NELL1: variants seen among roughly 807,000 people sequenced by gnomAD.
NELL1 encodes protein kinase C-binding protein NELL1.
NELL1 carries 76 observed loss-of-function variants against 107.4 expected under a neutral mutation model. That is an observed-to-expected ratio of 0.71 (90% CI 0.59 to 0.86). The LOEUF (loss-of-function observed/expected upper bound fraction) is 0.86. Among genes scored for constraint, NELL1 ranks in the 40% least tolerant of loss-of-function variants. The pLI is 0.00. For synonymous variants in NELL1, 353 were observed against 341.2 expected, an observed-to-expected ratio of 1.03 and a Z score of -0.38; for missense variants, 1,024 against 1,005.5, an observed-to-expected ratio of 1.02 and a Z score of -0.25.
intron 2 of NELL1, among the ~76,000 whole-genome samples, chr11:20,680,463 T>G (rs1189334643): frequency 6.6e-6 from 1 of 152,096 alleles, no homozygotes; most frequent in African/African-American, 2.4e-5. Flanking sequence ...GTGGGTATAA[T>G]CCATTTTGGG....
At chr11:21,323,691 C>T (rs762484083) in intron 14 of NELL1, among the ~76,000 whole-genome samples, 6 of 152,036 alleles carry the variant, frequency 3.9e-5, no homozygotes, top group Non-Finnish European at 5.9e-5. Flanking sequence ...ACTAGCTTCC[C>T]GTCTTTGTCA....
At chr11:21,553,986 C>T (rs1856649131) in intron 16 of NELL1, among the ~76,000 whole-genome samples, 1 of 151,788 alleles carries the variant, frequency 6.6e-6, no homozygotes, top group South Asian at 2.1e-4. Context: ...ATACAAACCA[C>T]CCTCCTACTC....
intron 4 of NELL1, among the ~76,000 whole-genome samples, chr11:20,881,384 G>A (rs1180010688): frequency 1.3e-5 from 2 of 152,240 alleles, no homozygotes; most frequent in East Asian, 3.9e-4. Context: ...TTCATTGCTT[G>A]TCTAGAGAGG....
chr11:21,503,857 T>C (rs1049703134), intron 15 of NELL1, among the ~76,000 whole-genome samples: 10 of 148,072 alleles, frequency 6.8e-5, no homozygotes, highest in Admixed American at 2.7e-4. Context: ...ACACTTGGCT[T>C]TTTTTTTTTA....
chr11:20,929,566 C>T (rs889080078), intron 9 of NELL1, among the ~76,000 whole-genome samples: 6 of 151,992 alleles, frequency 3.9e-5, no homozygotes, highest in Non-Finnish European at 8.8e-5. Context: ...GCAATATAGG[C>T]AGCTCAAGTG....
At chr11:21,277,831 T>C (rs1288730811) in intron 14 of NELL1, among the ~76,000 whole-genome samples, 1 of 152,036 alleles carries the variant, frequency 6.6e-6, no homozygotes, top group East Asian at 1.9e-4. Context: ...TTCTCAGTCA[T>C]AGGTGGGAAT....
chr11:21,013,255 C>A (rs1852487892), intron 12 of NELL1, among the ~76,000 whole-genome samples: 1 of 152,090 alleles, frequency 6.6e-6, no homozygotes, highest in African/African-American at 2.4e-5. Context: ...ACCTCATAAG[C>A]AGAACTTTGG....
intron 12 of NELL1, among the ~76,000 whole-genome samples, chr11:21,052,304 C>T (rs1208023437): frequency 6.6e-6 from 1 of 151,992 alleles, no homozygotes; most frequent in Non-Finnish European, 1.5e-5. Flanking sequence ...GTTGGGACCA[C>T]AGAAGAGTCT....
intron 15 of NELL1, among the ~76,000 whole-genome samples, chr11:21,481,219 G>A (rs1440644132): frequency 6.6e-6 from 1 of 152,136 alleles, no homozygotes; most frequent in Non-Finnish European, 1.5e-5. Context: ...AGTCTCTCCC[G>A]ATTCAAAGAG....
Position 20,686,245 on chromosome 11 carries a change from A to G in NELL1, c.184+8185A>G, listed in dbSNP as rs138167988. ...TACATTTAAATAGAAACCTCACTTAACTGGGAACATTTCTACAGTACCAAT... is the reference window on the plus strand; with the variant it reads ...TACATTTAAATAGAAACCTCACTTAGCTGGGAACATTTCTACAGTACCAAT... On this transcript the variant is annotated intron_variant, in intron 2 of 19. Coordinates refer to ENST00000357134, the MANE Select transcript of NELL1 (RefSeq NM_006157.5). Among the ~76,000 whole-genome samples, 1,082 of 152,206 alleles carry G rather than the reference A, an allele frequency of 7.1e-3. 8 individuals carry two copies. Among genetic ancestry groups the G allele is most frequent in the African/African-American group, 0.025 (1,034 of 41,550 alleles).
chr11:21,208,195 C>G (rs889085785), intron 13 of NELL1, among the ~76,000 whole-genome samples: 5 of 151,866 alleles, frequency 3.3e-5, no homozygotes, highest in African/African-American at 9.7e-5. Flanking sequence ...CTACATCTAC[C>G]CTTTTATTTT....
At chr11:21,103,806 C>A (rs975002889) in intron 12 of NELL1, among the ~76,000 whole-genome samples, 3 of 152,258 alleles carry the variant, frequency 2.0e-5, no homozygotes, top group African/African-American at 7.2e-5. Flanking sequence ...AGACTCAAAA[C>A]AATTATTATT....
intron 15 of NELL1, among the ~76,000 whole-genome samples, chr11:21,439,923 G>A (rs953970399): frequency 1.1e-4 from 16 of 151,920 alleles, no homozygotes; most frequent in Non-Finnish European, 2.2e-4. Flanking sequence ...AAAATATTTA[G>A]ATCACAAAGC....
chr11:20,758,237 A>C (rs1798551708), intron 2 of NELL1, among the ~76,000 whole-genome samples: 1 of 151,940 alleles, frequency 6.6e-6, no homozygotes, highest in African/African-American at 2.4e-5. Context: ...TACTGTCACT[A>C]ATCTCCCTCT....
chr11:21,131,132 G>A (rs533457041), intron 13 of NELL1, among the ~76,000 whole-genome samples: 43 of 152,224 alleles, frequency 2.8e-4, no homozygotes, highest in African/African-American at 9.6e-4. Context: ...CAACTAGGAT[G>A]TGCATGCACA....
At chr11:21,207,522 G>T (rs1476268417) in intron 13 of NELL1, among the ~76,000 whole-genome samples, 22 of 152,140 alleles carry the variant, frequency 1.4e-4, no homozygotes, top group Admixed American at 1.4e-3. Flanking sequence ...GTTGATGATG[G>T]TAATAGTGTC....
intron 15 of NELL1, among the ~76,000 whole-genome samples, chr11:21,505,596 GT>G (rs548223734): frequency 9.7e-4 from 147 of 152,118 alleles, no homozygotes; most frequent in African/African-American, 3.3e-3. Context: ...CTGCATCAAG[GT>G]TTTTTGCATG....
At chr11:21,379,683 C>A (rs1212585136) in intron 15 of NELL1, among the ~76,000 whole-genome samples, 3 of 151,848 alleles carry the variant, frequency 2.0e-5, no homozygotes, top group African/African-American at 7.3e-5. Flanking sequence ...TTTTTTGAAC[C>A]TTTTCTAAAG....
rs1851919940 is a variant in NELL1, at chr11:21,393,374, G to C, written c.1645+22426G>C. On this transcript the variant is annotated intron_variant, in intron 15 of 19. Transcript: ENST00000357134. ...GGCACAGAAGAGCAAAATTAAATTT[G>C]GGAAGGGTAATTACAATTAAATACA... Among the ~76,000 whole-genome samples the C allele has an allele frequency of 2.0e-5, 3 of 151,554 alleles. No individual in the cohort carries two copies. In the South Asian group the frequency reaches 6.2e-4, roughly 31 times the overall value.
Sources: allele counts gnomAD v4.1 joint callset (sites outside exome capture counted in the v4.1 genomes callset), GRCh38; gene constraint gnomAD v4.1.1; transcripts MANE v1.5; gene names NCBI Gene and HGNC (gene_info 2026-07-23, HGNC 2026-07-21).